SMAP1: variants seen among roughly 807,000 people sequenced by gnomAD.
The protein encoded by SMAP1 is small ArfGAP 1.
In SMAP1, 24 loss-of-function variants were observed where a neutral mutation model predicts 58.5. The ratio of observed to expected loss-of-function variants is 0.41; its 90% CI spans 0.30 to 0.58. The LOEUF (loss-of-function observed/expected upper bound fraction) is 0.58, where lower values mean the gene tolerates loss of function less well. Ranked by LOEUF, SMAP1 falls within the 20% of genes least tolerant of loss-of-function variation. SMAP1 has a pLI of 0.29. For synonymous variants in SMAP1, 216 were observed against 196.6 expected (o/e 1.10, Z -0.82); for missense variants, 563 against 566.3 (o/e 0.99, Z 0.06).
At chr6:70,771,045 T>C (rs1222816666) in intron 3 of SMAP1, among the ~76,000 whole-genome samples, 2 of 151,808 alleles carry the variant, frequency 1.3e-5, no homozygotes, top group African/African-American at 2.4e-5. Context: ...GTACCAGCAG[T>C]GGTGGCTACA....
chr6:70,855,204 C>T (rs573682863), intron 8 of SMAP1, among the ~76,000 whole-genome samples: 1 of 152,224 alleles, frequency 6.6e-6, no homozygotes, highest in East Asian at 1.9e-4. Flanking sequence ...CGATTAGATG[C>T]TCTGCAGCTT....
At chr6:70,859,543 A>G in intron 10 of SMAP1, 1 of 600,858 alleles carries the variant, frequency 1.7e-6, no homozygotes, top group Non-Finnish European at 2.7e-6. Flanking sequence ...TCTAACTCTG[A>G]GTGTAAGTTT....
intron 3 of SMAP1, among the ~76,000 whole-genome samples, chr6:70,770,742 C>T (rs533836931): frequency 1.3e-5 from 2 of 152,182 alleles, no homozygotes; most frequent in Non-Finnish European, 2.9e-5. Context: ...GCCTTTTTCT[C>T]TCAACTTGTC....
chr6:70,755,163 A>T, intron 3 of SMAP1, 98 bp downstream of exon 3: 1 of 927,344 alleles, frequency 1.1e-6, no homozygotes, highest in Non-Finnish European at 1.7e-6. Context: ...TGTGAACTTT[A>T]TCACGCTACT....
intron 1 of SMAP1, among the ~76,000 whole-genome samples, chr6:70,675,203 T>G (rs1178009921): frequency 2.1e-5 from 1 of 46,762 alleles, no homozygotes; most frequent in Non-Finnish European, 5.8e-5. Flanking sequence ...ATAGTGTTTT[T>G]TTTTTTTTTT....
chr6:70,810,286 G>A (rs1769330832), intron 6 of SMAP1, among the ~76,000 whole-genome samples: 2 of 152,066 alleles, frequency 1.3e-5, no homozygotes, highest in Non-Finnish European at 2.9e-5. Context: ...TGGGACTGCA[G>A]GCATACACCA....
intron 1 of SMAP1, among the ~76,000 whole-genome samples, chr6:70,703,818 T>A (rs1463277404): frequency 6.6e-6 from 1 of 152,232 alleles, no homozygotes. Flanking sequence ...TGTGAACTCC[T>A]AGATCCATTT....
chr6:70,787,599 A>C (rs1198146884), intron 4 of SMAP1, among the ~76,000 whole-genome samples: 1 of 152,258 alleles, frequency 6.6e-6, no homozygotes, highest in Non-Finnish European at 1.5e-5. Context: ...AGACAAATTT[A>C]CAGGAAAAAA....
chr6:70,702,393 G>A (rs898560360), intron 1 of SMAP1, among the ~76,000 whole-genome samples: 2 of 150,410 alleles, frequency 1.3e-5, no homozygotes, highest in East Asian at 3.9e-4. Flanking sequence ...TTTTTTTGGG[G>A]AGGGGGTCTG....
intron 4 of SMAP1, among the ~76,000 whole-genome samples, chr6:70,783,613 T>G (rs1266072005): frequency 6.6e-6 from 1 of 152,114 alleles, no homozygotes; most frequent in Non-Finnish European, 1.5e-5. Context: ...TTAAAGGAGC[T>G]GATGGAGCTG....
intron 6 of SMAP1, among the ~76,000 whole-genome samples, chr6:70,819,886 G>A (rs1224784125): frequency 6.6e-6 from 1 of 152,142 alleles, no homozygotes; most frequent in Non-Finnish European, 1.5e-5. Context: ...CTTAGCCTGT[G>A]GTTTCAAACA....
At chr6:70,707,363 A>C (rs1767881098) in intron 1 of SMAP1, among the ~76,000 whole-genome samples, 1 of 152,074 alleles carries the variant, frequency 6.6e-6, no homozygotes, top group Admixed American at 6.6e-5. Context: ...ATCCTCATTA[A>C]CTTTTTTTTT....
intron 1 of SMAP1, among the ~76,000 whole-genome samples, chr6:70,720,267 T>TCCA (rs994527749): frequency 3.9e-5 from 6 of 152,148 alleles, no homozygotes; most frequent in African/African-American, 1.2e-4. Flanking sequence ...CAAAATGATC[T>TCCA]CCATGAGTGC....
intron 3 of SMAP1, among the ~76,000 whole-genome samples, chr6:70,766,929 T>G (rs1262694893): frequency 1.3e-5 from 2 of 152,088 alleles, no homozygotes; most frequent in African/African-American, 4.8e-5. Context: ...TTGTATAAGG[T>G]GTAAGGAAGG....
rs571835336 is a variant in SMAP1 at position 70,672,463 on chromosome 6, G to A, written c.118+4322G>A. On this transcript the variant is annotated intron_variant, in intron 1 of 10. Transcript: ENST00000370455. ...TCCTTGATCCTCTGAGATTAGGTTA[G>A]GCTTCCGTTTATACATAAAAGACAA... 2.0e-4 allele frequency among the ~76,000 whole-genome samples: 31 copies of A among 152,224 alleles called. No individual in the cohort carries two copies. The South Asian group carries it at 6.4e-3, about 32-fold the overall frequency.
At chr6:70,840,017 G>A (rs1314569865) in intron 7 of SMAP1, among the ~76,000 whole-genome samples, 1 of 152,048 alleles carries the variant, frequency 6.6e-6, no homozygotes, top group East Asian at 1.9e-4. Context: ...TGGGACCCTG[G>A]TTTTCCCCTG....
chr6:70,706,473 A>G (rs142470687), intron 1 of SMAP1, among the ~76,000 whole-genome samples: 152 of 152,234 alleles, frequency 1.0e-3, no homozygotes, highest in African/African-American at 3.6e-3. Flanking sequence ...AAACTGGCAT[A>G]TTATACTTTT....
intron 1 of SMAP1, among the ~76,000 whole-genome samples, chr6:70,725,339 A>G: frequency 6.6e-6 from 1 of 151,390 alleles, no homozygotes; most frequent in East Asian, 1.9e-4. Flanking sequence ...GATGGTCTTG[A>G]TCTCCTGACC....
intron 4 of SMAP1, among the ~76,000 whole-genome samples, chr6:70,782,784 A>G (rs556136887): frequency 1.1e-3 from 170 of 152,320 alleles, no homozygotes; most frequent in African/African-American, 3.9e-3. Context: ...AAGAGAGGCC[A>G]ACAACCTCCA....
Sources: gnomAD v4.1 joint callset for allele counts (sites outside exome capture counted in the v4.1 genomes callset) on GRCh38, gnomAD v4.1.1 for gene constraint, MANE v1.5 for transcripts, NCBI Gene and HGNC (gene_info 2026-07-23, HGNC 2026-07-21) for gene names.